The following INPP5D variants were observed in gnomAD, a reference collection of about 807,000 sequenced individuals.
INPP5D encodes the protein inositol polyphosphate-5-phosphatase D.
In INPP5D, 33 loss-of-function variants were observed where a neutral mutation model predicts 122.9. The ratio of observed to expected loss-of-function variants is 0.27; its 90% confidence interval spans 0.20 to 0.36. The LOEUF is 0.36. Ranked by LOEUF, INPP5D falls within the 10% of genes least tolerant of loss-of-function variation. The pLI, the probability that INPP5D is intolerant of heterozygous loss-of-function variation, is 1.00. For synonymous variants in INPP5D, 584 were observed against 576.2 expected (o/e 1.01, Z -0.19); for missense variants, 1,053 against 1,412.7 (o/e 0.75, Z 4.08).
chr2:233,088,132 C>A (rs1219732052), intron 2 of INPP5D, among the ~76,000 whole-genome samples: 2 of 152,086 alleles, frequency 1.3e-5, no homozygotes, highest in Non-Finnish European at 2.9e-5. Context: ...TGCACCACCA[C>A]CCCCGACTAA....
At chr2:233,139,490 G>A in intron 5 of INPP5D, among the ~76,000 whole-genome samples, 1 of 151,826 alleles carries the variant, frequency 6.6e-6, no homozygotes, top group African/African-American at 2.4e-5. Context: ...GTGTGTGTGT[G>A]TGTGTGTGTG....
Position 233,128,397 on chromosome 2 carries a change from T to C in INPP5D, c.525-2111T>C, listed in dbSNP as rs764209720. ...AGGCAGAAACTGGATTTTTATGATG[T>C]CAAGACCCAGAATAAATATAGAAGA... On this transcript the variant is annotated intron_variant, in intron 4 of 26. Transcript: ENST00000445964. This position sits in a 1 kb window ranked among gnomAD's most constrained non-coding sequence, Gnocchi z 4.5. 6.6e-6 allele frequency among the ~76,000 whole-genome samples: 1 copy of C among 152,310 alleles called. No individual in the cohort carries two copies. Among genetic ancestry groups the C allele is most frequent in the Non-Finnish European group, 1.5e-5 (1 of 68,024 alleles).
At position 233,164,394 on chromosome 2, in the gene INPP5D, A is replaced by C. The variant is rs1482381669; in HGVS notation, c.1525A>C (p.Asn509His). 1 of 1,552,356 alleles carries C rather than the reference A, an allele frequency of 6.4e-7. No homozygotes were observed. The highest frequency in any genetic ancestry group is 8.7e-7 in the Non-Finnish European group (1 of 1,147,394). ...ENRISHICTDNVKTGIANTLG... is the reference protein window; with the variant it reads ...ENRISHICTDHVKTGIANTLG... The stretch of plus-strand genomic sequence containing the variant: ...CCGGATCAGCCACATCTGTACTGAC[A>C]ACGTGAAGACAGGCATTGCAAACAC... Residue 509 changes from asparagine to histidine, a missense_variant, in exon 13 of 27, where the codon AAC becomes CAC. Physicochemically the swap from Asn to His is moderately conservative, Grantham distance 68 (BLOSUM62 1). This residue lies in a region of INPP5D where 105 missense variants were observed against 199.8 expected (regional missense o/e 0.53). Transcript: ENST00000445964. The surrounding 1 kb of genome is among the most constrained non-coding windows in gnomAD (Gnocchi z 4.3).
intron 26 of INPP5D, chr2:233,205,719 T>G (rs1448206837): frequency 6.6e-6 from 1 of 152,130 alleles, no homozygotes. Flanking sequence ...TTTGGAGAAT[T>G]CAGCACACTT....
At chr2:233,168,795 G>A (rs12472960) in intron 13 of INPP5D, 3,294 of 153,478 alleles carry the variant, frequency 0.021, 78 homozygotes, top group East Asian at 0.11. Context: ...CTGGGGTGGG[G>A]CTGAGAATCT....
rs1204478590 is a variant in INPP5D at position 233,177,771 on chromosome 2, C to T, written c.2071+425C>T. ...TGTATTTTTAGTAGAGACGGGGTTT[C>T]ACCATGTTGGCCAGGCTGGTTGCAA... On this transcript the variant is annotated intron_variant, in intron 18 of 26. Coordinates refer to ENST00000445964, the MANE Select transcript of INPP5D (RefSeq NM_001017915.3). This position sits in a 1 kb window ranked among gnomAD's most constrained non-coding sequence, Gnocchi z 4.2. Among the ~76,000 whole-genome samples the T allele has an allele frequency of 6.6e-6, 1 of 152,136 alleles. No homozygotes were observed. The highest frequency in any genetic ancestry group is 1.5e-5 in the Non-Finnish European group (1 of 68,016).
chr2:233,134,241 C>A, intron 5 of INPP5D: 1 of 325,992 alleles, frequency 3.1e-6, no homozygotes. Flanking sequence ...GAGTCACCAG[C>A]CATGGAGCTA....
chr2:233,116,700 G>A (rs937542002), intron 2 of INPP5D, among the ~76,000 whole-genome samples: 7 of 151,856 alleles, frequency 4.6e-5, no homozygotes, highest in East Asian at 1.9e-4. Context: ...GGGTTCAAGC[G>A]ATTCTCCCGC....
In INPP5D at chr2:233,124,131, A is replaced by G. The variant is rs545107316; in HGVS notation, c.350-1614A>G. 1.4e-3 allele frequency among the ~76,000 whole-genome samples: 210 copies of G among 151,358 alleles called. 1 individual carries two copies. The highest frequency in any genetic ancestry group is 2.4e-3 in the Non-Finnish European group (165 of 67,820). On this transcript the variant is annotated intron_variant, in intron 3 of 26. Coordinates refer to ENST00000445964, the MANE Select transcript of INPP5D (RefSeq NM_001017915.3). The stretch of plus-strand genomic sequence containing the variant: ...AATACAAGTTTTTTTTTTTTTTTAA[A>G]GGCTTATTTCCTAAAAGAAAACCAT...
At chr2:233,096,298 A>C (rs904474890) in intron 2 of INPP5D, among the ~76,000 whole-genome samples, 1 of 152,232 alleles carries the variant, frequency 6.6e-6, no homozygotes, top group Non-Finnish European at 1.5e-5. Context: ...TGTAATTTTC[A>C]GCAGACAATG....
intron 13 of INPP5D, among the ~76,000 whole-genome samples, chr2:233,166,341 G>C (rs531298802): frequency 1.3e-5 from 2 of 152,256 alleles, no homozygotes; most frequent in African/African-American, 4.8e-5. Context: ...CAGCTTCTGA[G>C]CAGGCAGGAG....
intron 3 of INPP5D, 50 bp from the exon 4 acceptor site, chr2:233,125,695 G>A: frequency 6.5e-7 from 1 of 1,547,346 alleles, no homozygotes; most frequent in Non-Finnish European, 8.8e-7. Flanking sequence ...GTGAAGGCCG[G>A]GTTGTGCGCA....
chr2:233,205,757 T>A (rs891998108), intron 26 of INPP5D: 12 of 152,028 alleles, frequency 7.9e-5, no homozygotes, highest in African/African-American at 2.2e-4. Context: ...AAATAAAAAA[T>A]TTTTTGAGCA....
intron 5 of INPP5D, among the ~76,000 whole-genome samples, chr2:233,135,027 C>G (rs1218283293): frequency 6.6e-6 from 1 of 151,816 alleles, no homozygotes; most frequent in Non-Finnish European, 1.5e-5. Context: ...AGAGGTGCTA[C>G]CTGTAGCTGG....
chr2:233,085,439 A>G (rs890959154), intron 2 of INPP5D, among the ~76,000 whole-genome samples: 3 of 151,934 alleles, frequency 2.0e-5, no homozygotes, highest in African/African-American at 7.3e-5. Flanking sequence ...ACAAAATCCA[A>G]GGCCAAACTT....
intron 1 of INPP5D, among the ~76,000 whole-genome samples, chr2:233,066,699 C>G (rs1197216026): frequency 6.6e-6 from 1 of 151,778 alleles, no homozygotes. Flanking sequence ...CTCTGTCTCC[C>G]GGGTTGAAGT....
At chr2:233,143,363 G>T (rs973722564) in intron 6 of INPP5D, among the ~76,000 whole-genome samples, 1 of 152,134 alleles carries the variant, frequency 6.6e-6, no homozygotes, top group East Asian at 1.9e-4. Context: ...GGGGGCGGGG[G>T]ACCTGCAATT....
chr2:233,095,485 T>C (rs1692110608), intron 2 of INPP5D, among the ~76,000 whole-genome samples: 1 of 151,440 alleles, frequency 6.6e-6, no homozygotes, highest in Admixed American at 6.6e-5. Context: ...CTGGAGGGGG[T>C]GGTGGTGGGC....
At chr2:233,090,880 C>T (rs1691971331) in intron 2 of INPP5D, among the ~76,000 whole-genome samples, 1 of 151,912 alleles carries the variant, frequency 6.6e-6, no homozygotes, top group Non-Finnish European at 1.5e-5. Flanking sequence ...ATTGCTGTAA[C>T]CTGGGAGGCA....
Sources: gnomAD v4.1 joint callset for allele counts (sites outside exome capture counted in the v4.1 genomes callset) on GRCh38, gnomAD v4.1.1 for gene constraint, gnomAD v4.1.1 regional missense constraint, Gnocchi (gnomAD v3.1) non-coding constraint, MANE v1.5 for transcripts, NCBI Gene and HGNC (gene_info 2026-07-23, HGNC 2026-07-21) for gene names.